RUSC2: variants seen among roughly 807,000 people sequenced by gnomAD.
RUSC2 encodes the protein RUN and SH3 domain containing 2.
A neutral mutation model predicts 122.2 loss-of-function variants in RUSC2; 34 were observed. The ratio of observed to expected loss-of-function variants is 0.28; its 90% CI spans 0.21 to 0.37. RUSC2 has a LOEUF of 0.37. Among genes scored for constraint, RUSC2 ranks in the 10% least tolerant of loss-of-function variants. The pLI is 1.00. For synonymous variants in RUSC2, 784 were observed against 790.0 expected (o/e 0.99, Z 0.13); for missense variants, 1,747 against 1,952.4 (o/e 0.89, Z 1.98).
intron 1 of RUSC2, among the ~76,000 whole-genome samples, chr9:35,519,313 C>G (rs575129570): frequency 1.3e-5 from 2 of 152,272 alleles, no homozygotes; most frequent in Non-Finnish European, 2.9e-5. Context: ...ATTATTAACC[C>G]ATAGGCCTCA....
intron 1 of RUSC2, among the ~76,000 whole-genome samples, chr9:35,536,346 G>T (rs995873293): frequency 4.3e-4 from 65 of 152,356 alleles, no homozygotes; most frequent in African/African-American, 1.5e-3. Flanking sequence ...GGGGTAATCA[G>T]AGAAGACTTG....
chr9:35,505,350 C>G (rs717384), intron 1 of RUSC2, among the ~76,000 whole-genome samples: 1,839 of 152,246 alleles, frequency 0.012, 14 homozygotes, highest in Middle Eastern at 0.044. Flanking sequence ...ACATGGTTTT[C>G]TCTAACTGAG....
At position 35,547,325 on chromosome 9, in the gene RUSC2, T is replaced by C. The variant is rs1382306665; in HGVS notation, c.804T>C (p.Tyr268=). The C allele has an allele frequency of 6.2e-7, 1 of 1,614,180 alleles. No individual in the cohort carries two copies. The highest frequency in any genetic ancestry group is 1.1e-5 in the South Asian group (1 of 91,084). ...AGGCAGCTGACCAGTCCATGGGCTA[T>C]GTGAGCGACTCCTCCTGCAACAGTT... ...QSEAADQSMG[Y]VSDSSCNSSD... Residue 268 remains tyrosine (Y), a synonymous_variant, in exon 2 of 12, where the codon TAT becomes TAC. Coordinates refer to ENST00000361226, the MANE Select transcript of RUSC2 (RefSeq NM_014806.5). The surrounding 1 kb of genome is among the most constrained non-coding windows in gnomAD (Gnocchi z 4.6).
chr9:35,552,832 G>A (rs1487586353), intron 2 of RUSC2, among the ~76,000 whole-genome samples: 1 of 152,208 alleles, frequency 6.6e-6, no homozygotes, highest in African/African-American at 2.4e-5. Flanking sequence ...CTTATTCTGT[G>A]TATTCCCTGA....
intron 1 of RUSC2, among the ~76,000 whole-genome samples, chr9:35,505,646 A>G (rs1820902088): frequency 6.6e-6 from 1 of 152,212 alleles, no homozygotes; most frequent in Admixed American, 6.5e-5. Flanking sequence ...TTCTTCATAT[A>G]TTGAAAATGA....
At chr9:35,537,134 G>A (rs1821545146) in intron 1 of RUSC2, among the ~76,000 whole-genome samples, 1 of 152,178 alleles carries the variant, frequency 6.6e-6, no homozygotes, top group Non-Finnish European at 1.5e-5. Context: ...AAGGTTGTCT[G>A]TGATGTAGTG....
chr9:35,499,538 G>A (rs1335344338), intron 1 of RUSC2, among the ~76,000 whole-genome samples: 1 of 152,122 alleles, frequency 6.6e-6, no homozygotes, highest in African/African-American at 2.4e-5. Context: ...TGCAGACAAG[G>A]ACAATAGACT....
rs528155638 is a variant in RUSC2 at position 35,555,464 on chromosome 9, C to G, written c.2419C>G (p.Gln807Glu). The part of the protein sequence containing the change: ...ASTSCSPPPE[Q>E]PTATESLPPW... ...CACTTCGTGCTCCCCTCCCCCAGAG[C>G]AGCCCACAGCCACAGAAAGCCTGCC... The change falls in exon 3 of 12, where the codon CAG (glutamine) becomes GAG (glutamate). Residue 807 changes from glutamine (Q) to glutamate (E), a missense_variant. Transcript: ENST00000361226. This position sits in a 1 kb window ranked among gnomAD's most constrained non-coding sequence, Gnocchi z 4.6. The G allele has an allele frequency of 6.2e-7, 1 of 1,614,206 alleles. No individual in the cohort carries two copies. The highest frequency in any genetic ancestry group is 1.3e-5 in the African/African-American group (1 of 75,060).
intron 1 of RUSC2, among the ~76,000 whole-genome samples, chr9:35,490,977 T>C (rs951559418): frequency 6.6e-6 from 1 of 151,986 alleles, no homozygotes; most frequent in African/African-American, 2.4e-5. Flanking sequence ...CTACCAGTTG[T>C]CCTTTGCGTT....
At chr9:35,524,566 C>T (rs1240163789) in intron 1 of RUSC2, among the ~76,000 whole-genome samples, 1 of 152,048 alleles carries the variant, frequency 6.6e-6, no homozygotes, top group Non-Finnish European at 1.5e-5. Context: ...ATAAAATGAC[C>T]TCATGTGTTG....
intron 1 of RUSC2, among the ~76,000 whole-genome samples, chr9:35,509,172 T>A (rs1220697487): frequency 1.3e-5 from 2 of 152,042 alleles, no homozygotes; most frequent in Non-Finnish European, 2.9e-5. Context: ...AAAAAAAAAT[T>A]AAAAATTAGC....
At chr9:35,531,115 G>T (rs1218386014) in intron 1 of RUSC2, among the ~76,000 whole-genome samples, 4 of 152,072 alleles carry the variant, frequency 2.6e-5, no homozygotes, top group African/African-American at 9.7e-5. Context: ...AAAAAAATTA[G>T]CCGGGCTTGG....
intron 1 of RUSC2, among the ~76,000 whole-genome samples, chr9:35,505,552 C>T (rs1406587504): frequency 2.0e-5 from 3 of 152,102 alleles, no homozygotes; most frequent in African/African-American, 7.2e-5. Context: ...CCATAAACTC[C>T]ATGAGGACAA....
intron 1 of RUSC2, among the ~76,000 whole-genome samples, chr9:35,501,857 T>TA (rs565381015): frequency 1.5e-4 from 23 of 152,326 alleles, no homozygotes; most frequent in African/African-American, 5.3e-4. Context: ...GTTTAGGACC[T>TA]ATGCTAGTTT....
At chr9:35,497,234 G>T (rs967227102) in intron 1 of RUSC2, among the ~76,000 whole-genome samples, 1 of 152,136 alleles carries the variant, frequency 6.6e-6, no homozygotes, top group Non-Finnish European at 1.5e-5. Context: ...GTACATTGTG[G>T]ATATGTTGAA....
chr9:35,539,679 A>G (rs968781926), intron 1 of RUSC2, among the ~76,000 whole-genome samples: 7 of 152,218 alleles, frequency 4.6e-5, no homozygotes, highest in Non-Finnish European at 1.0e-4. Flanking sequence ...GTAAGAAAAC[A>G]TTGACCAGGG....
rs770925508 is a variant in RUSC2 at position 35,547,883 on chromosome 9, G to A, written c.1362G>A (p.Gln454=). The A allele has an allele frequency of 5.0e-6, 8 of 1,614,084 alleles. No homozygotes were observed. The Admixed American group carries it at 1.3e-4, about 27-fold the overall frequency. The change falls in exon 2 of 12, where the codon CAG becomes CAA. Residue 454 remains glutamine, a synonymous_variant. Transcript: ENST00000361226. The surrounding 1 kb of genome is among the most constrained non-coding windows in gnomAD (Gnocchi z 4.6). ...EYYLFQKPEV[Q]PEEQEAVSSS... is the part of the protein sequence containing the mutation. ...ACCTATTCCAGAAGCCAGAAGTCCA[G>A]CCAGAGGAACAAGAAGCAGTGAGTT... is the stretch of plus-strand genomic sequence containing the variant.
chr9:35,536,206 T>C (rs904262806), intron 1 of RUSC2, among the ~76,000 whole-genome samples: 1 of 152,226 alleles, frequency 6.6e-6, no homozygotes, highest in Non-Finnish European at 1.5e-5. Context: ...TTTTTTGTAA[T>C]GATCCTACTT....
chr9:35,503,061 C>T (rs1564244021), intron 1 of RUSC2, among the ~76,000 whole-genome samples: 2 of 152,064 alleles, frequency 1.3e-5, no homozygotes, highest in Non-Finnish European at 2.9e-5. Context: ...AGGGTTTCAT[C>T]ATGTTGGCCA....
Sources: gnomAD v4.1 joint callset for allele counts (sites outside exome capture counted in the v4.1 genomes callset) on GRCh38, gnomAD v4.1.1 for gene constraint, Gnocchi (gnomAD v3.1) non-coding constraint, MANE v1.5 for transcripts, NCBI Gene and HGNC (gene_info 2026-07-23, HGNC 2026-07-21) for gene names.